Variants in MAGI2 observed in about 807,000 individuals in gnomAD.
MAGI2 encodes membrane associated guanylate kinase, WW and PDZ domain containing 2.
A neutral mutation model predicts 133.3 loss-of-function variants in MAGI2; 35 were observed. That is an observed-to-expected ratio of 0.26 (90% CI 0.20 to 0.35). The LOEUF is 0.35. Ranked by LOEUF, MAGI2 falls within the 10% of genes least tolerant of loss-of-function variation. MAGI2 has a pLI of 1.00. For synonymous variants in MAGI2, 729 were observed against 710.6 expected (o/e 1.03, Z -0.41); for missense variants, 1,636 against 1,863.4 (o/e 0.88, Z 2.25).
chr7:78,240,450 A>T (rs984963306), intron 10 of MAGI2, among the ~76,000 whole-genome samples: 1 of 152,202 alleles, frequency 6.6e-6, no homozygotes, highest in Non-Finnish European at 1.5e-5. Context: ...ATGGAATGGT[A>T]TTCAGCCATA....
intron 1 of MAGI2, among the ~76,000 whole-genome samples, chr7:79,170,166 T>TTTTTTTTTG (rs1825384312): frequency 1.0e-5 from 1 of 97,562 alleles, no homozygotes; most frequent in African/African-American, 4.0e-5. Context: ...TTTTTTTTTT[T>TTTTTTTTTG]GAGACAGGGT....
At chr7:79,319,193 T>C (rs4143262) in intron 1 of MAGI2, among the ~76,000 whole-genome samples, 103,245 of 151,942 alleles carry the variant, frequency 0.68, 35,459 homozygotes, top group Admixed American at 0.71. Context: ...GTTTGGGATG[T>C]TTGCCACCAT....
intron 10 of MAGI2, among the ~76,000 whole-genome samples, chr7:78,212,073 G>A (rs767400308): frequency 2.6e-5 from 4 of 152,082 alleles, no homozygotes; most frequent in Admixed American, 2.6e-4. Flanking sequence ...GTATTTATAC[G>A]ATTATTTACA....
intron 2 of MAGI2, among the ~76,000 whole-genome samples, chr7:78,675,285 G>A (rs182403204): frequency 1.3e-5 from 2 of 151,562 alleles, no homozygotes; most frequent in Non-Finnish European, 2.9e-5. Context: ...TTGATGTATT[G>A]TGTGTTTGAA....
intron 3 of MAGI2, chr7:78,618,003 T>C (rs2150930395): frequency 6.6e-6 from 1 of 152,142 alleles, no homozygotes; most frequent in South Asian, 2.1e-4. Flanking sequence ...AGATTTTAAA[T>C]TCAAATACAA....
intron 2 of MAGI2, among the ~76,000 whole-genome samples, chr7:78,684,818 G>A (rs889929157): frequency 3.3e-5 from 5 of 152,016 alleles, no homozygotes; most frequent in South Asian, 4.1e-4. Context: ...TGTTCCACAC[G>A]TATACAAAAT....
chr7:78,867,132 T>C (rs10276088), intron 2 of MAGI2, among the ~76,000 whole-genome samples: 79,673 of 136,298 alleles, frequency 0.58, 22,933 homozygotes, highest in Middle Eastern at 0.69. Flanking sequence ...GTCAGTGTGG[T>C]GATTCCTCAG....
At chr7:78,708,868 A>G (rs79372078) in intron 2 of MAGI2, among the ~76,000 whole-genome samples, 1 of 144,730 alleles carries the variant, frequency 6.9e-6, no homozygotes, top group East Asian at 2.1e-4. Context: ...CTCATTTTTT[A>G]AAGTACCTTA....
chr7:78,147,543 C>T (rs918798094), intron 16 of MAGI2, among the ~76,000 whole-genome samples: 1 of 151,606 alleles, frequency 6.6e-6, no homozygotes, highest in African/African-American at 2.4e-5. Context: ...ATTATGCTAA[C>T]GTAAGAAATG....
Position 78,652,929 on chromosome 7 carries a change from A to C in MAGI2, c.419-25690T>G, listed in dbSNP as rs181450627. On this transcript the variant is annotated intron_variant, in intron 2 of 21. Coordinates refer to ENST00000354212, the MANE Select transcript of MAGI2 (RefSeq NM_012301.4). ...CCAGAATCTACAAAGAACTTAAACA[A>C]ATTTACAAGGGAAAAAAAAAACACC... Among the ~76,000 whole-genome samples the C allele has an allele frequency of 6.0e-4, 91 of 152,172 alleles. 1 individual carries two copies. In the East Asian group the frequency reaches 0.016, roughly 27 times the overall value.
intron 8 of MAGI2, among the ~76,000 whole-genome samples, chr7:78,344,681 C>G (rs1271466462): frequency 6.6e-6 from 1 of 152,056 alleles, no homozygotes; most frequent in African/African-American, 2.4e-5. Context: ...AAAAGGCAAG[C>G]CAATGTTTTT....
chr7:79,068,521 GA>G (rs1373700253), intron 1 of MAGI2, among the ~76,000 whole-genome samples: 4 of 151,892 alleles, frequency 2.6e-5, no homozygotes, highest in Admixed American at 2.6e-4. Context: ...CTATTTTGTT[GA>G]TCTTTTCAAA....
intron 2 of MAGI2, among the ~76,000 whole-genome samples, chr7:78,633,598 C>A (rs773285009): frequency 6.6e-6 from 1 of 151,398 alleles, no homozygotes; most frequent in Non-Finnish European, 1.5e-5. Flanking sequence ...CCCAGCTACT[C>A]CGGAGGCTGA....
At chr7:78,663,202 CTTTTT>C (rs35544274) in intron 2 of MAGI2, among the ~76,000 whole-genome samples, 1 of 109,228 alleles carries the variant, frequency 9.2e-6, no homozygotes, top group Non-Finnish European at 1.8e-5. Context: ...TGTACCAACT[CTTTTT>C]TTTTTTTTTT....
intron 2 of MAGI2, among the ~76,000 whole-genome samples, chr7:78,794,773 T>G (rs991313230): frequency 6.6e-6 from 1 of 152,196 alleles, no homozygotes; most frequent in African/African-American, 2.4e-5. Flanking sequence ...GAAATGAAAT[T>G]CCAATTATGA....
chr7:78,584,224 A>T (rs62468650), intron 3 of MAGI2, among the ~76,000 whole-genome samples: 22,425 of 152,054 alleles, frequency 0.15, 2,126 homozygotes, highest in Non-Finnish European at 0.22. Flanking sequence ...GTTCGAGACC[A>T]GCCTGGTCAA....
chr7:78,645,977 G>A lies in MAGI2; in HGVS notation c.419-18738C>T, dbSNP rs150313796. 5.6e-3 allele frequency among the ~76,000 whole-genome samples: 853 copies of A among 152,244 alleles called. 7 individuals are homozygous for A. Among genetic ancestry groups the A allele is most frequent in the African/African-American group, 0.019 (809 of 41,542 alleles). On this transcript the variant is annotated intron_variant, in intron 2 of 21. Coordinates refer to ENST00000354212, the MANE Select transcript of MAGI2 (RefSeq NM_012301.4). The stretch of plus-strand genomic sequence containing the variant: ...TGGTCTCGAACCCCTGACCTCAAGT[G>A]AGTTGCCCGCCTTGGCCTCCCAAAG...
At chr7:78,326,554 A>C (rs560943476) in intron 9 of MAGI2, among the ~76,000 whole-genome samples, 2 of 152,314 alleles carry the variant, frequency 1.3e-5, no homozygotes, top group South Asian at 4.1e-4. Flanking sequence ...TACTCAATGC[A>C]CATGCAACCT....
intron 1 of MAGI2, among the ~76,000 whole-genome samples, chr7:79,007,784 C>T (rs1471713965): frequency 6.6e-6 from 1 of 151,982 alleles, no homozygotes; most frequent in Non-Finnish European, 1.5e-5. Context: ...GAAAAACCTA[C>T]ACAAATATTA....
Sources: allele counts gnomAD v4.1 joint callset (sites outside exome capture counted in the v4.1 genomes callset), GRCh38; gene constraint gnomAD v4.1.1; transcripts MANE v1.5; gene names NCBI Gene and HGNC (gene_info 2026-07-23, HGNC 2026-07-21).